AKAP13: variants seen among roughly 807,000 people sequenced by gnomAD.
The protein encoded by AKAP13 is A-kinase anchor protein 13.
Under a neutral mutation model 264.5 loss-of-function variants are expected in AKAP13, and 80 were observed. The ratio of observed to expected loss-of-function variants is 0.30; its 90% CI spans 0.25 to 0.36. The LOEUF is 0.36. Among genes scored for constraint, AKAP13 ranks in the 10% least tolerant of loss-of-function variants. The probability of loss-of-function intolerance (pLI) is 1.00; values close to 1 mark genes in which losing one functional copy is unlikely to be tolerated. For missense variants in AKAP13, 3,712 were observed against 3,435.2 expected, an observed-to-expected ratio of 1.08 and a Z score of -2.01; for synonymous variants, 1,380 against 1,250.2, an observed-to-expected ratio of 1.10 and a Z score of -2.19.
At chr15:85,419,821 G>A (rs190549368) in intron 1 of AKAP13, among the ~76,000 whole-genome samples, 38 of 151,836 alleles carry the variant, frequency 2.5e-4, no homozygotes, top group African/African-American at 9.2e-4. Context: ...GGGAAATTGT[G>A]TACCTCATTT....
intron 1 of AKAP13, among the ~76,000 whole-genome samples, chr15:85,463,278 C>G (rs1435777088): frequency 6.6e-6 from 1 of 152,094 alleles, no homozygotes; most frequent in African/African-American, 2.4e-5. Context: ...TTTGAACAAA[C>G]AAGGGATGAA....
intron 30 of AKAP13, among the ~76,000 whole-genome samples, chr15:85,732,069 C>T (rs1055903382): frequency 3.1e-5 from 4 of 129,240 alleles, no homozygotes; most frequent in Non-Finnish European, 6.3e-5. Flanking sequence ...GGCAACAGAG[C>T]GAGACTATCT....
At chr15:85,609,445 A>G (rs952922702) in intron 8 of AKAP13, among the ~76,000 whole-genome samples, 1 of 152,076 alleles carries the variant, frequency 6.6e-6, no homozygotes, top group Non-Finnish European at 1.5e-5. Flanking sequence ...AAATAACAGG[A>G]TTTCATTATT....
chr15:85,401,960 C>T, intron 1 of AKAP13, among the ~76,000 whole-genome samples: 1 of 152,188 alleles, frequency 6.6e-6, no homozygotes, highest in East Asian at 1.9e-4. Flanking sequence ...GTAAAACATT[C>T]TGTAGCTGAG....
intron 1 of AKAP13, among the ~76,000 whole-genome samples, chr15:85,429,269 T>C (rs1311631945): frequency 1.3e-5 from 2 of 152,210 alleles, no homozygotes; most frequent in African/African-American, 4.8e-5. Flanking sequence ...TGGAATCATG[T>C]ATTACTTCTA....
chr15:85,679,554 T>G (rs557462438), intron 14 of AKAP13, among the ~76,000 whole-genome samples: 1 of 152,316 alleles, frequency 6.6e-6, no homozygotes, highest in East Asian at 1.9e-4. Context: ...TTCAAGGCAG[T>G]GTTCAATATA....
At chr15:85,626,771 C>T (rs2081428978) in intron 8 of AKAP13, among the ~76,000 whole-genome samples, 1 of 151,976 alleles carries the variant, frequency 6.6e-6, no homozygotes, top group South Asian at 2.1e-4. Flanking sequence ...AGTGGAATTG[C>T]TGGATCATAA....
Position 85,555,429 on chromosome 15 carries a change from A to G in AKAP13, c.662+11474A>G, listed in dbSNP as rs940566055. 10 of 1,288,876 alleles carry G rather than the reference A, an allele frequency of 7.8e-6. No individual in the cohort carries two copies. In the Admixed American group the frequency reaches 1.6e-4, roughly 21 times the overall value. The allele number at this position is 1,288,876 out of a possible 1,614,324, so 79.8% of individuals were successfully genotyped here. A position where few individuals can be genotyped will look rare whatever the true frequency, so the allele number is the denominator to read the frequency against. ...TGCTTTCCTCTATTTTTAAAGCTGTAGTATGAAGCCAAAACTAAAAGAGGA... is the reference window on the plus strand; with the variant it reads ...TGCTTTCCTCTATTTTTAAAGCTGTGGTATGAAGCCAAAACTAAAAGAGGA... On this transcript the variant is annotated intron_variant, in intron 5 of 36. Coordinates refer to ENST00000394518, the MANE Select transcript of AKAP13 (RefSeq NM_007200.5).
chr15:85,711,597 T>G (rs1385936173), intron 19 of AKAP13, among the ~76,000 whole-genome samples: 1 of 152,256 alleles, frequency 6.6e-6, no homozygotes, highest in South Asian at 2.1e-4. Flanking sequence ...CATAAGCATA[T>G]TTCACATTTA....
At chr15:85,533,525 G>T in intron 3 of AKAP13, 59 bp from the exon 4 acceptor site, 1 of 1,492,396 alleles carries the variant, frequency 6.7e-7, no homozygotes, top group South Asian at 1.4e-5. Flanking sequence ...GGATCCACTA[G>T]CGTCCTTTCA....
chr15:85,591,923 A>T (rs1163727087), intron 8 of AKAP13, among the ~76,000 whole-genome samples: 1 of 152,220 alleles, frequency 6.6e-6, no homozygotes, highest in African/African-American at 2.4e-5. Flanking sequence ...AACACTCAAG[A>T]ACAACTATGT....
Position 85,715,875 on chromosome 15 carries a change from A to G in AKAP13, c.5687A>G (p.Gln1896Arg). The G allele has an allele frequency of 6.2e-7, 1 of 1,613,600 alleles. No homozygotes were observed. Among genetic ancestry groups the G allele is most frequent in the African/African-American group, 1.3e-5 (1 of 74,894 alleles). Residue 1896 changes from glutamine to arginine, a missense_variant, in exon 20 of 37, where the codon CAG becomes CGG. Around this residue, in one of 3 missense-constraint regions of AKAP13, gnomAD observed 2,759 missense variants for 2,411.7 expected, o/e 1.14. Transcript: ENST00000394518. ...CCAATATTTGCCAATAGACGATCCC[A>G]GCAGAGTGTCTCGCTCTCCAAAAGT... Reference protein sequence around the residue: ...TTPIFANRRSQQSVSLSKSVS... With the variant: ...TTPIFANRRSRQSVSLSKSVS...
chr15:85,699,342 G>T (rs2085764812), intron 17 of AKAP13, among the ~76,000 whole-genome samples: 1 of 151,906 alleles, frequency 6.6e-6, no homozygotes, highest in Non-Finnish European at 1.5e-5. Flanking sequence ...TACTCAGGAG[G>T]CTGAGGCAGG....
chr15:85,667,724 CAA>C (rs1312046983), intron 13 of AKAP13, among the ~76,000 whole-genome samples: 1 of 152,188 alleles, frequency 6.6e-6, no homozygotes, highest in Non-Finnish European at 1.5e-5. Flanking sequence ...GTATTAAACT[CAA>C]GAGTTCCTGG....
intron 2 of AKAP13, among the ~76,000 whole-genome samples, chr15:85,518,712 C>T (rs2076698370): frequency 2.0e-5 from 3 of 152,062 alleles, no homozygotes; most frequent in Admixed American, 2.0e-4. Flanking sequence ...GCCTGTTGTC[C>T]CAGCTACTTG....
chr15:85,555,713 A>G (rs1454669316), intron 5 of AKAP13, among the ~76,000 whole-genome samples: 1 of 152,214 alleles, frequency 6.6e-6, no homozygotes, highest in African/African-American at 2.4e-5. Flanking sequence ...TGCGCATGCT[A>G]GGCAAGGTAA....
chr15:85,572,444 T>C (rs1452538761), intron 5 of AKAP13, among the ~76,000 whole-genome samples: 1 of 152,178 alleles, frequency 6.6e-6, no homozygotes, highest in African/African-American at 2.4e-5. Context: ...TTACAAGTGC[T>C]TTTCTGTTTG....
At chr15:85,548,989 G>C (rs2077857094) in intron 5 of AKAP13, among the ~76,000 whole-genome samples, 1 of 150,826 alleles carries the variant, frequency 6.6e-6, no homozygotes, top group Non-Finnish European at 1.5e-5. Flanking sequence ...TTCATGTAGA[G>C]AGCATAACTC....
intron 30 of AKAP13, among the ~76,000 whole-genome samples, chr15:85,731,978 G>T (rs1045857672): frequency 6.6e-6 from 1 of 151,744 alleles, no homozygotes; most frequent in African/African-American, 2.4e-5. Flanking sequence ...AGCTCCTCAG[G>T]AGGCTGAGGC....
Sources: allele counts gnomAD v4.1 joint callset (sites outside exome capture counted in the v4.1 genomes callset), GRCh38; gene constraint gnomAD v4.1.1; regional missense constraint gnomAD v4.1.1; transcripts MANE v1.5; gene names NCBI Gene and HGNC (gene_info 2026-07-23, HGNC 2026-07-21).